The following FGF14 variants were observed in gnomAD, a reference collection of about 807,000 sequenced individuals.
FGF14 encodes the protein fibroblast growth factor homologous factor 4.
In FGF14, 5 loss-of-function variants were observed where a neutral mutation model predicts 25.5. The observed-to-expected ratio is 0.20, with a 90% CI of 0.10 to 0.41. FGF14 has a LOEUF of 0.41. Among genes scored for constraint, FGF14 ranks in the 10% least tolerant of loss-of-function variants. FGF14 has a pLI of 1.00. For synonymous variants in FGF14, 138 were observed against 118.3 expected (o/e 1.17, Z -1.08); for missense variants, 222 against 320.1 (o/e 0.69, Z 2.34).
Position 101,916,716 on chromosome 13 carries a change from G to T in FGF14, c.-71C>A. On this transcript the variant is annotated 5_prime_UTR_variant, in exon 1 of 5. Transcript: ENST00000376143. Reference sequence around the variant, plus strand: ...GCGAGCCGGGGGCACCGGAGGGGAAGGCGGCGGCGCAGACCGTGGCTCGCC... The same window carrying T: ...GCGAGCCGGGGGCACCGGAGGGGAATGCGGCGGCGCAGACCGTGGCTCGCC... The T allele has an allele frequency of 7.3e-7, 1 of 1,361,096 alleles. No individual in the cohort carries two copies. 84.3% of individuals were successfully genotyped at this position (1,361,096 alleles called of 1,614,324 possible). A position where few individuals can be genotyped will look rare whatever the true frequency, so the allele number is the denominator to read the frequency against.
intron 1 of FGF14, among the ~76,000 whole-genome samples, chr13:102,058,158 C>T (rs1229586043): frequency 6.6e-6 from 1 of 151,678 alleles, no homozygotes; most frequent in Non-Finnish European, 1.5e-5. Flanking sequence ...ACAGCCACAG[C>T]CACCACAACA....
intron 1 of FGF14, among the ~76,000 whole-genome samples, chr13:102,123,564 A>G (rs1363821979): frequency 6.6e-6 from 1 of 150,552 alleles, no homozygotes; most frequent in South Asian, 2.1e-4. Context: ...CCAGGTGATC[A>G]AAATGTTATA....
chr13:101,943,009 C>A (rs1481326060), intron 1 of FGF14, among the ~76,000 whole-genome samples: 1 of 152,216 alleles, frequency 6.6e-6, no homozygotes, highest in African/African-American at 2.4e-5. Flanking sequence ...TTCTGCCCTG[C>A]ACAGCAGGGG....
intron 3 of FGF14, among the ~76,000 whole-genome samples, chr13:101,859,935 C>A (rs1005890057): frequency 6.6e-6 from 1 of 152,066 alleles, no homozygotes; most frequent in Non-Finnish European, 1.5e-5. Flanking sequence ...TTATTAAATA[C>A]AGTTTTATCT....
intron 1 of FGF14, among the ~76,000 whole-genome samples, chr13:102,253,147 T>C (rs1210774020): frequency 6.6e-6 from 1 of 152,210 alleles, no homozygotes; most frequent in Admixed American, 6.5e-5. Context: ...CATGTAACTT[T>C]ACAGTAGAAT....
chr13:101,778,065 C>G (rs1201143730), intron 3 of FGF14, among the ~76,000 whole-genome samples: 2 of 152,154 alleles, frequency 1.3e-5, no homozygotes, highest in African/African-American at 4.8e-5. Context: ...TGAGGTACTT[C>G]GTGAGAGTGC....
chr13:102,151,010 T>C (rs1004242769), intron 1 of FGF14, among the ~76,000 whole-genome samples: 1 of 152,122 alleles, frequency 6.6e-6, no homozygotes, highest in African/African-American at 2.4e-5. Flanking sequence ...GATAATGGGG[T>C]TATGAAGATT....
intron 1 of FGF14, among the ~76,000 whole-genome samples, chr13:101,928,090 G>T (rs945084900): frequency 3.9e-5 from 6 of 152,184 alleles, no homozygotes; most frequent in African/African-American, 9.7e-5. Context: ...AGGCCCTGTG[G>T]GCAGAGGCTT....
chr13:101,889,211 G>A (rs780903784), intron 1 of FGF14, among the ~76,000 whole-genome samples: 8 of 151,898 alleles, frequency 5.3e-5, no homozygotes, highest in Non-Finnish European at 1.2e-4. Flanking sequence ...GGTAGCCCCA[G>A]CAGACTAATA....
chr13:102,213,786 C>T (rs1319246345), intron 1 of FGF14, among the ~76,000 whole-genome samples: 1 of 152,110 alleles, frequency 6.6e-6, no homozygotes, highest in Non-Finnish European at 1.5e-5. Context: ...CACTATATAC[C>T]CTCCCTATAT....
chr13:102,108,523 G>C (rs1419800597), intron 1 of FGF14, among the ~76,000 whole-genome samples: 1 of 152,184 alleles, frequency 6.6e-6, no homozygotes, highest in Admixed American at 6.5e-5. Flanking sequence ...TATTGTGTGA[G>C]CTCTTTCTAA....
rs1428493813 is a variant in FGF14, at chr13:102,400,432, C to T, written c.208+1039G>A. 6.6e-6 allele frequency among the ~76,000 whole-genome samples: 1 copy of T among 152,180 alleles called. No homozygotes were observed. The highest frequency in any genetic ancestry group is 2.4e-5 in the African/African-American group (1 of 41,460). ...GACGCCACACACTCCCGGCTGCCAG[C>T]GTGAGCGGTTCCGGGAAAGGCTGCG... On this transcript the variant is annotated intron_variant, in intron 1 of 4. Transcript: ENST00000376131. This position sits in a 1 kb window ranked among gnomAD's most constrained non-coding sequence, Gnocchi z 4.3.
intron 3 of FGF14, among the ~76,000 whole-genome samples, chr13:101,777,773 C>T (rs906717647): frequency 2.0e-5 from 3 of 152,190 alleles, no homozygotes; most frequent in Middle Eastern, 3.4e-3. Flanking sequence ...ACCAGCCTGA[C>T]CAACATGGTG....
intron 1 of FGF14, among the ~76,000 whole-genome samples, chr13:102,153,994 T>TTAAA (rs2047203248): frequency 6.6e-6 from 1 of 152,172 alleles, no homozygotes; most frequent in Admixed American, 6.5e-5. Context: ...TTTAAAGAGG[T>TTAAA]TAAGAGTCAA....
chr13:102,391,676 T>C (rs549933477), intron 1 of FGF14, among the ~76,000 whole-genome samples: 18 of 152,210 alleles, frequency 1.2e-4, no homozygotes, highest in Non-Finnish European at 2.1e-4. Context: ...ATCAAGTTAA[T>C]GGAAAACATC....
chr13:102,206,695 T>A (rs1468852523), intron 1 of FGF14, among the ~76,000 whole-genome samples: 1 of 151,768 alleles, frequency 6.6e-6, no homozygotes, highest in Non-Finnish European at 1.5e-5. Context: ...AATATATATA[T>A]TATTATCAAA....
chr13:102,013,075 A>G (rs1006565843), intron 1 of FGF14, among the ~76,000 whole-genome samples: 5 of 152,100 alleles, frequency 3.3e-5, no homozygotes, highest in Non-Finnish European at 7.4e-5. Context: ...AGATTGCTTG[A>G]GCCCAGGGGG....
chr13:102,401,510 G>A, exon 1 of FGF14: 1 of 1,614,158 alleles, frequency 6.2e-7, no homozygotes, highest in Non-Finnish European at 8.5e-7. Flanking sequence ...TTGCCACAAA[G>A]ACACTGCAGC....
In FGF14 at chr13:102,371,654, A is replaced by C. The variant is rs570350280; in HGVS notation, c.208+29817T>G. Among the ~76,000 whole-genome samples, 212 of 152,228 alleles carry C rather than the reference A, an allele frequency of 1.4e-3. 2 individuals are homozygous for C. Among genetic ancestry groups the C allele is most frequent in the Middle Eastern group, 6.8e-3 (2 of 294 alleles). On this transcript the variant is annotated intron_variant, in intron 1 of 4. Coordinates refer to the FGF14 transcript ENST00000376131. ...TTGCTCTTATTTTTATACCCTTAGC[A>C]CTAAGCACAATTCTTGGCACATAGA... is the stretch of plus-strand genomic sequence containing the variant.
Sources: allele counts gnomAD v4.1 joint callset (sites outside exome capture counted in the v4.1 genomes callset), GRCh38; gene constraint gnomAD v4.1.1; non-coding constraint Gnocchi (gnomAD v3.1); transcripts MANE v1.5; gene names NCBI Gene and HGNC (gene_info 2026-07-23, HGNC 2026-07-21).